The following PEAK1 variants were observed in gnomAD, a reference collection of about 807,000 sequenced individuals.
PEAK1 encodes the protein inactive tyrosine-protein kinase PEAK1.
PEAK1 carries 54 observed loss-of-function variants against 124.7 expected under a neutral mutation model. The observed-to-expected ratio is 0.43, with a 90% CI of 0.35 to 0.54. The LOEUF is 0.54. Ranked by LOEUF, PEAK1 falls within the 20% of genes least tolerant of loss-of-function variation. The pLI is 0.01. For synonymous variants in PEAK1, 719 were observed against 760.0 expected (o/e 0.95, Z 0.89); for missense variants, 2,046 against 2,134.5 (o/e 0.96, Z 0.82).
chr15:77,203,356 C>T (rs924936731), intron 6 of PEAK1, among the ~76,000 whole-genome samples: 2 of 152,098 alleles, frequency 1.3e-5, no homozygotes, highest in Non-Finnish European at 2.9e-5. Flanking sequence ...GAAATAGTAG[C>T]TGTGAAAATT....
chr15:77,235,959 A>G (rs1023534436), intron 6 of PEAK1, among the ~76,000 whole-genome samples: 1 of 152,242 alleles, frequency 6.6e-6, no homozygotes, highest in African/African-American at 2.4e-5. Flanking sequence ...GTGGGTGCAC[A>G]GAAGTCAAGA....
chr15:77,257,527 T>G (rs917755871), intron 5 of PEAK1, among the ~76,000 whole-genome samples: 1 of 151,418 alleles, frequency 6.6e-6, no homozygotes, highest in South Asian at 2.1e-4. Context: ...AATGTCTTCT[T>G]TTGAGAAGTG....
At chr15:77,257,721 CTTTAG>C (rs926388254) in intron 5 of PEAK1, among the ~76,000 whole-genome samples, 126 of 152,144 alleles carry the variant, frequency 8.3e-4, no homozygotes, top group African/African-American at 2.8e-3. Flanking sequence ...TGCAGAAGCT[CTTTAG>C]TTTAACTAGA....
chr15:77,120,355 C>G (rs1463279014), intron 9 of PEAK1, among the ~76,000 whole-genome samples: 2 of 152,136 alleles, frequency 1.3e-5, no homozygotes, highest in Admixed American at 6.5e-5. Flanking sequence ...CATATATGTC[C>G]TAACCCATAG....
At chr15:77,407,151 T>G (rs1247540743) in intron 1 of PEAK1, among the ~76,000 whole-genome samples, 2 of 152,164 alleles carry the variant, frequency 1.3e-5, no homozygotes, top group Non-Finnish European at 2.9e-5. Context: ...ATCTAGGACC[T>G]GAAACGATAA....
chr15:77,223,784 A>G (rs2059500114), intron 6 of PEAK1, among the ~76,000 whole-genome samples: 1 of 151,880 alleles, frequency 6.6e-6, no homozygotes, highest in African/African-American at 2.4e-5. Flanking sequence ...CCCTCTCTTC[A>G]CTGAAAACAG....
intron 2 of PEAK1, among the ~76,000 whole-genome samples, chr15:77,292,503 C>T (rs2063274335): frequency 6.6e-6 from 1 of 150,804 alleles, no homozygotes; most frequent in Admixed American, 6.6e-5. Context: ...AAAAAAAAAG[C>T]ACAGAAAATG....
intron 1 of PEAK1, among the ~76,000 whole-genome samples, chr15:77,383,645 C>A (rs1268184093): frequency 6.6e-6 from 1 of 152,122 alleles, no homozygotes; most frequent in Non-Finnish European, 1.5e-5. Context: ...ACTGGCATCA[C>A]CCCCATATAC....
At chr15:77,406,195 G>A (rs2071802912) in intron 1 of PEAK1, among the ~76,000 whole-genome samples, 1 of 152,094 alleles carries the variant, frequency 6.6e-6, no homozygotes, top group Non-Finnish European at 1.5e-5. Context: ...CAGTTTACCT[G>A]AAGTCTTTAG....
chr15:77,275,533 C>T (rs551507915), intron 5 of PEAK1, among the ~76,000 whole-genome samples: 17 of 151,722 alleles, frequency 1.1e-4, no homozygotes, highest in African/African-American at 2.4e-4. Flanking sequence ...CTGGCTAACA[C>T]GGTGAAATCC....
At chr15:77,321,121 T>C (rs990422216) in intron 2 of PEAK1, among the ~76,000 whole-genome samples, 10 of 152,156 alleles carry the variant, frequency 6.6e-5, no homozygotes, top group African/African-American at 1.4e-4. Context: ...AATAAACATA[T>C]GTGTGCATGT....
At chr15:77,148,833 G>C (rs2054361736) in intron 8 of PEAK1, among the ~76,000 whole-genome samples, 1 of 152,104 alleles carries the variant, frequency 6.6e-6, no homozygotes, top group Non-Finnish European at 1.5e-5. Context: ...GGGAAGGGAG[G>C]ACTGCTTAAG....
rs567025967 is a variant in PEAK1 at position 77,353,987 on chromosome 15, T to C, written c.-603+11176A>G. On this transcript the variant is annotated intron_variant, in intron 2 of 9. Transcript: ENST00000682557. ...TCTTCCCAGTTCCTTTTTCTGCACT[T>C]GTCCACTAAATCTAAATGTCCCTGA... Among the ~76,000 whole-genome samples, 3 of 152,322 alleles carry C rather than the reference T, an allele frequency of 2.0e-5. No homozygotes were observed. The South Asian group carries it at 6.2e-4, about 32-fold the overall frequency.
chr15:77,113,434 T>G lies in PEAK1; in HGVS notation c.*722A>C, dbSNP rs1271818092. ...TAATGGGCCACAAGTGGCTGATAAA[T>G]CCAAACTTCACTGGCAAGTGGGGAC... On this transcript the variant is annotated 3_prime_UTR_variant, in exon 10 of 10. Coordinates refer to ENST00000682557, the MANE Select transcript of PEAK1 (RefSeq NM_001385026.1). 1 of 152,446 alleles carries G rather than the reference T, an allele frequency of 6.6e-6. No homozygotes were observed. The highest frequency in any genetic ancestry group is 1.5e-5 in the Non-Finnish European group (1 of 68,282). 9.4% of individuals were successfully genotyped at this position (152,446 alleles called of 1,614,324 possible).
intron 5 of PEAK1, among the ~76,000 whole-genome samples, chr15:77,256,899 C>G (rs1348891813): frequency 1.3e-5 from 2 of 149,988 alleles, no homozygotes; most frequent in African/African-American, 4.9e-5. Flanking sequence ...ACAACAGTCC[C>G]CAGAGTGTGA....
chr15:77,226,842 T>C lies in PEAK1; in HGVS notation c.-115+25525A>G, dbSNP rs73459093. Among the ~76,000 whole-genome samples the C allele has an allele frequency of 3.0e-3, 463 of 152,258 alleles. 1 individual carries two copies. Among genetic ancestry groups the C allele is most frequent in the African/African-American group, 0.011 (449 of 41,564 alleles). ...CTTCCTTATAACGTATTACCACCCC[T>C]ATTTTATAGACAAGGAAACTGAAGT... On this transcript the variant is annotated intron_variant, in intron 6 of 9. Transcript: ENST00000682557.
In PEAK1 at chr15:77,199,672, G is replaced by GGT. The variant is rs905646895; in HGVS notation, c.-114-17634_-114-17633dup. Among the ~76,000 whole-genome samples the GGT allele has an allele frequency of 3.9e-5, 6 of 152,186 alleles. No individual in the cohort carries two copies. The East Asian group carries it at 7.7e-4, about 20-fold the overall frequency. Reference sequence around the variant, plus strand: ...TGCGGATATGGCAAAAATAGTGTAGGGTGTGTGTGTGTAAAAGGTGTCGAG... The same window carrying GGT: ...TGCGGATATGGCAAAAATAGTGTAGGGTGTGTGTGTGTGTAAAAGGTGTCGAG... On this transcript the variant is annotated intron_variant, in intron 6 of 9. Coordinates refer to ENST00000682557, the MANE Select transcript of PEAK1 (RefSeq NM_001385026.1).
At chr15:77,323,951 A>G (rs2065405961) in intron 2 of PEAK1, among the ~76,000 whole-genome samples, 1 of 152,220 alleles carries the variant, frequency 6.6e-6, no homozygotes, top group Admixed American at 6.5e-5. Context: ...GACCAATGGA[A>G]CAGAACAGAG....
chr15:77,367,499 T>A (rs1325226204), intron 1 of PEAK1, among the ~76,000 whole-genome samples: 1 of 152,198 alleles, frequency 6.6e-6, no homozygotes, highest in African/African-American at 2.4e-5. Context: ...CCTCAAACTG[T>A]ACTGCACATA....
Sources: gnomAD v4.1 joint callset for allele counts (sites outside exome capture counted in the v4.1 genomes callset) on GRCh38, gnomAD v4.1.1 for gene constraint, MANE v1.5 for transcripts, NCBI Gene and HGNC (gene_info 2026-07-23, HGNC 2026-07-21) for gene names.